The following ITPR2 variants were observed in gnomAD, a reference collection of about 807,000 sequenced individuals.
The protein encoded by ITPR2 is inositol 1,4,5-trisphosphate-gated calcium channel ITPR2.
ITPR2 carries 207 observed loss-of-function variants against 317.1 expected under a neutral mutation model. The observed-to-expected ratio is 0.65, with a 90% CI of 0.58 to 0.73. The LOEUF is 0.73. ITPR2 is among the 30% of genes least tolerant of loss of function. The pLI is 0.00. For synonymous variants in ITPR2, 1,156 were observed against 1,149.1 expected (o/e 1.01, Z -0.12); for missense variants, 2,613 against 3,284.0 (o/e 0.80, Z 4.99).
chr12:26,768,405 A>G (rs1006787601), intron 2 of ITPR2, among the ~76,000 whole-genome samples: 3 of 133,564 alleles, frequency 2.2e-5, no homozygotes, highest in African/African-American at 5.2e-5. Flanking sequence ...CCTAAAACTT[A>G]AAGTATAATA....
At chr12:26,616,215 G>A (rs1946370156) in intron 26 of ITPR2, among the ~76,000 whole-genome samples, 1 of 152,008 alleles carries the variant, frequency 6.6e-6, no homozygotes, top group Non-Finnish European at 1.5e-5. Flanking sequence ...TCGGCTCACT[G>A]CAAGCTCCGC....
rs532077706 is a variant in ITPR2, at chr12:26,369,401, T to G, written c.7857+18033A>C. Among the ~76,000 whole-genome samples, 8 of 152,316 alleles carry G rather than the reference T, an allele frequency of 5.3e-5. No individual in the cohort carries two copies. The South Asian group carries it at 1.7e-3, about 32-fold the overall frequency. Reference sequence around the variant, plus strand: ...AGGTGACAGTTGAAGGCTATCTGAATTAGAATGATGGAAGTTTTAGAAAGT... The same window carrying G: ...AGGTGACAGTTGAAGGCTATCTGAAGTAGAATGATGGAAGTTTTAGAAAGT... On this transcript the variant is annotated intron_variant, in intron 55 of 56. Coordinates refer to ENST00000381340, the MANE Select transcript of ITPR2 (RefSeq NM_002223.4).
At chr12:26,387,394 A>G in intron 55 of ITPR2, 40 bp downstream of exon 55, 5 of 1,593,340 alleles carry the variant, frequency 3.1e-6, no homozygotes, top group Non-Finnish European at 3.4e-6. Flanking sequence ...AGCCTAAAAG[A>G]TACAATATAG....
chr12:26,580,135 G>A lies in ITPR2; in HGVS notation c.4401C>T (p.Asp1467=), dbSNP rs376078600. The A allele has an allele frequency of 3.1e-6, 5 of 1,611,388 alleles. No individual in the cohort carries two copies. The highest frequency in any genetic ancestry group is 3.4e-6 in the Non-Finnish European group (4 of 1,178,364). ...CCAAAAAGATGTCTGCATGTTTCCT[G>A]TCTGTAGTTGTGTTGCAAACCTGGA... ...DMARVCNTTT[D]RKHADIFLEK... The change falls in exon 33 of 57, where the codon GAC becomes GAT. Residue 1467 remains aspartate, a synonymous_variant. Transcript: ENST00000381340.
chr12:26,809,887 T>C (rs1190483303), intron 1 of ITPR2, among the ~76,000 whole-genome samples: 1 of 152,242 alleles, frequency 6.6e-6, no homozygotes, highest in African/African-American at 2.4e-5. Context: ...TTTTTTCAGT[T>C]TTCTTAGCTT....
rs186861895 is a variant in ITPR2, at chr12:26,708,344, C to T, written c.951+2829G>A. Reference sequence around the variant, plus strand: ...CACAATAGCCAAGATTTGGAATCAACCTAAGTATACATCAACAGATGAATG... The same window carrying T: ...CACAATAGCCAAGATTTGGAATCAATCTAAGTATACATCAACAGATGAATG... On this transcript the variant is annotated intron_variant, in intron 9 of 56. Coordinates refer to ENST00000381340, the MANE Select transcript of ITPR2 (RefSeq NM_002223.4). Among the ~76,000 whole-genome samples, 688 of 152,222 alleles carry T rather than the reference C, an allele frequency of 4.5e-3. 5 individuals are homozygous for T. The highest frequency in any genetic ancestry group is 0.016 in the African/African-American group (649 of 41,518).
intron 1 of ITPR2, among the ~76,000 whole-genome samples, chr12:26,816,092 CAA>C (rs11409442): frequency 1.4e-3 from 86 of 59,498 alleles, no homozygotes; most frequent in South Asian, 3.7e-3. Context: ...GACTCCGTCT[CAA>C]AAAAAAAAAA....
chr12:26,768,994 AAC>A (rs143843238), intron 2 of ITPR2, among the ~76,000 whole-genome samples: 89 of 96,786 alleles, frequency 9.2e-4, no homozygotes, highest in East Asian at 2.0e-3. Flanking sequence ...CATCCAGTAG[AAC>A]ACACACACAC....
chr12:26,791,772 C>T (rs1291582525), intron 1 of ITPR2, among the ~76,000 whole-genome samples: 1 of 152,070 alleles, frequency 6.6e-6, no homozygotes, highest in African/African-American at 2.4e-5. Context: ...CCAACTTCAG[C>T]CTGTAACATT....
At chr12:26,732,632 G>C (rs1949045634) in intron 2 of ITPR2, among the ~76,000 whole-genome samples, 2 of 152,192 alleles carry the variant, frequency 1.3e-5, no homozygotes, top group South Asian at 4.1e-4. Context: ...AGGAAACTGA[G>C]ACTTTTCTTC....
At chr12:26,482,749 C>T (rs927944406) in intron 42 of ITPR2, among the ~76,000 whole-genome samples, 4 of 152,164 alleles carry the variant, frequency 2.6e-5, no homozygotes, top group African/African-American at 7.2e-5. Flanking sequence ...TGCATGTACA[C>T]ATGTGTGTAT....
chr12:26,520,388 T>C (rs1943632400), intron 37 of ITPR2, among the ~76,000 whole-genome samples: 1 of 152,196 alleles, frequency 6.6e-6, no homozygotes, highest in Admixed American at 6.5e-5. Context: ...TCCTGTTGAC[T>C]TCCTGTTTTT....
chr12:26,602,293 A>C, intron 28 of ITPR2, 77 bp downstream of exon 28: 1 of 1,496,890 alleles, frequency 6.7e-7, no homozygotes, highest in Admixed American at 2.2e-5. Flanking sequence ...GAAAGAAAAA[A>C]TTTCTTGGAA....
chr12:26,549,517 A>T lies in ITPR2; in HGVS notation c.5073+730T>A, dbSNP rs535188644. On this transcript the variant is annotated intron_variant, in intron 37 of 56. Transcript: ENST00000381340. ...TAGTATTTACCGAAACAGACCAAAA[A>T]GTTATTGAGGAACATGGTACAAATT... Among the ~76,000 whole-genome samples the T allele has an allele frequency of 2.0e-5, 3 of 152,264 alleles. No homozygotes were observed. In the South Asian group the frequency reaches 6.2e-4, roughly 32 times the overall value.
At chr12:26,777,249 G>C (rs1333439776) in intron 2 of ITPR2, among the ~76,000 whole-genome samples, 1 of 152,184 alleles carries the variant, frequency 6.6e-6, no homozygotes, top group African/African-American at 2.4e-5. Flanking sequence ...AGGGAGATTG[G>C]GATCCTAGAG....
At chr12:26,355,953 G>A (rs1938625538) in intron 55 of ITPR2, among the ~76,000 whole-genome samples, 1 of 152,166 alleles carries the variant, frequency 6.6e-6, no homozygotes, top group Non-Finnish European at 1.5e-5. Flanking sequence ...ATTAGCATCA[G>A]AGACCTAAAC....
rs1255615838 is a variant in ITPR2 at position 26,539,052 on chromosome 12, TAAC to T, written c.5073+11192_5073+11194del. ...TGCCTAGTCAACAGCAGTTAAATAA[TAAC>T]AACAATAATAGTGTGGTTTTGGTGC... On this transcript the variant is annotated intron_variant, in intron 37 of 56. Transcript: ENST00000381340. 1.2e-4 allele frequency among the ~76,000 whole-genome samples: 19 copies of T among 152,188 alleles called. 1 individual carries two copies. The highest frequency in any genetic ancestry group is 1.2e-3 in the Admixed American group (19 of 15,280).
At chr12:26,344,490 G>C (rs770940160) in intron 55 of ITPR2, among the ~76,000 whole-genome samples, 8 of 152,204 alleles carry the variant, frequency 5.3e-5, no homozygotes, top group Non-Finnish European at 1.2e-4. Context: ...CTCACAGATA[G>C]TGTGTGAGCA....
chr12:26,569,208 T>C (rs1456680520), intron 34 of ITPR2, among the ~76,000 whole-genome samples: 1 of 151,760 alleles, frequency 6.6e-6, no homozygotes, highest in African/African-American at 2.4e-5. Flanking sequence ...AAAAGAAAAT[T>C]TAAAAATATT....
Sources: gnomAD v4.1 joint callset for allele counts (sites outside exome capture counted in the v4.1 genomes callset) on GRCh38, gnomAD v4.1.1 for gene constraint, MANE v1.5 for transcripts, NCBI Gene and HGNC (gene_info 2026-07-23, HGNC 2026-07-21) for gene names.